Variants in REDIC1 observed in about 807,000 individuals in gnomAD.
REDIC1 encodes the protein HEI10 Interacting Protein 1.
the REDIC1 span, among the ~76,000 whole-genome samples, chr12:39,661,749 T>C: frequency 6.6e-6 from 1 of 152,126 alleles, no homozygotes; most frequent in African/African-American, 2.4e-5. Flanking sequence ...CTGGAGTGTT[T>C]CTTCTGTATT....
the REDIC1 span, among the ~76,000 whole-genome samples, chr12:39,775,428 T>G: frequency 6.6e-6 from 1 of 152,232 alleles, no homozygotes; most frequent in Admixed American, 6.5e-5. Flanking sequence ...CCTGTATTCC[T>G]GAAGTTCTCT....
At chr12:39,703,125 G>A in the REDIC1 span, among the ~76,000 whole-genome samples, 1 of 152,166 alleles carries the variant, frequency 6.6e-6, no homozygotes, top group Non-Finnish European at 1.5e-5. Flanking sequence ...ATTATATTAG[G>A]AAAAGAGGAA....
At chr12:39,898,505 C>A in the REDIC1 span, among the ~76,000 whole-genome samples, 1 of 152,086 alleles carries the variant, frequency 6.6e-6, no homozygotes, top group Non-Finnish European at 1.5e-5. Flanking sequence ...ACGCTTTTCC[C>A]CCCTCTATCA....
the REDIC1 span, among the ~76,000 whole-genome samples, chr12:39,887,610 G>A: frequency 2.0e-5 from 3 of 152,202 alleles, no homozygotes; most frequent in African/African-American, 7.2e-5. Context: ...AAGCACCAGA[G>A]GGTAGACGTC....
the REDIC1 span, chr12:39,864,818 G>C: frequency 6.2e-6 from 10 of 1,613,916 alleles, no homozygotes; most frequent in African/African-American, 1.3e-4. Flanking sequence ...TAAAAGTGAT[G>C]CGTGGGGAAA....
the REDIC1 span, among the ~76,000 whole-genome samples, chr12:39,846,258 C>T: frequency 6.6e-6 from 1 of 152,038 alleles, no homozygotes; most frequent in East Asian, 1.9e-4. Context: ...TCACCTTTGA[C>T]CATAAGGAAT....
At chr12:39,787,917 T>C in the REDIC1 span, among the ~76,000 whole-genome samples, 7 of 152,148 alleles carry the variant, frequency 4.6e-5, no homozygotes, top group Non-Finnish European at 1.0e-4. Flanking sequence ...AAGAGCAGTA[T>C]TGTCACCTAC....
chr12:39,740,471 T>A, the REDIC1 span, among the ~76,000 whole-genome samples: 1 of 152,236 alleles, frequency 6.6e-6, no homozygotes, highest in East Asian at 1.9e-4. Context: ...AATAGGCATT[T>A]ATTTTCATAA....
the REDIC1 span, among the ~76,000 whole-genome samples, chr12:39,853,691 C>A: frequency 6.6e-6 from 1 of 151,124 alleles, no homozygotes; most frequent in African/African-American, 2.4e-5. Flanking sequence ...ATCAAGCTAT[C>A]TTCCACTTTG....
At chr12:39,860,968 G>T in the REDIC1 span, among the ~76,000 whole-genome samples, 2 of 152,142 alleles carry the variant, frequency 1.3e-5, no homozygotes, top group African/African-American at 4.8e-5. Context: ...TTAGACTGAA[G>T]ATCAAAAACC....
At chr12:39,727,057 G>T in the REDIC1 span, among the ~76,000 whole-genome samples, 4 of 152,118 alleles carry the variant, frequency 2.6e-5, no homozygotes, top group Non-Finnish European at 5.9e-5. Flanking sequence ...TGCAGATTCT[G>T]GATATTAGCC....
chr12:39,644,523 G>C, the REDIC1 span, among the ~76,000 whole-genome samples: 1 of 151,756 alleles, frequency 6.6e-6, no homozygotes. Context: ...TGCTAAAAAT[G>C]AGAGCATAAA....
At chr12:39,836,469 G>C in the REDIC1 span, among the ~76,000 whole-genome samples, 1 of 151,984 alleles carries the variant, frequency 6.6e-6, no homozygotes, top group South Asian at 2.1e-4. Context: ...ATTCAACATA[G>C]TGTTGGAAGT....
At chr12:39,815,224 C>G in the REDIC1 span, among the ~76,000 whole-genome samples, 1 of 152,078 alleles carries the variant, frequency 6.6e-6, no homozygotes, top group Admixed American at 6.6e-5. Context: ...AAGAAACTTC[C>G]TGAATCCCAT....
the REDIC1 span, among the ~76,000 whole-genome samples, chr12:39,705,750 A>G: frequency 6.6e-6 from 1 of 152,138 alleles, no homozygotes; most frequent in African/African-American, 2.4e-5. Context: ...AGCATTTGAT[A>G]AAATTTAACA....
chr12:39,722,913 A>G, the REDIC1 span, among the ~76,000 whole-genome samples: 2,346 of 152,232 alleles, frequency 0.015, 57 homozygotes, highest in African/African-American at 0.051. Flanking sequence ...GGCCCAATTT[A>G]GATAGTAACA....
the REDIC1 span, among the ~76,000 whole-genome samples, chr12:39,655,843 G>A: frequency 1.3e-5 from 2 of 152,186 alleles, no homozygotes; most frequent in South Asian, 2.1e-4. Context: ...TCAGTTTATC[G>A]TGTGCCTTTG....
chr12:39,641,169 A>G, the REDIC1 span, among the ~76,000 whole-genome samples: 1 of 151,810 alleles, frequency 6.6e-6, no homozygotes, highest in Non-Finnish European at 1.5e-5. Context: ...AGACTTAAAG[A>G]TCATTGTTGA....
chr12:39,840,670 G>A, the REDIC1 span, among the ~76,000 whole-genome samples: 2 of 151,908 alleles, frequency 1.3e-5, no homozygotes, highest in Non-Finnish European at 2.9e-5. Context: ...CCTGACCCCA[G>A]CAGAATCAGA....
Sources: allele counts gnomAD v4.1 joint callset (sites outside exome capture counted in the v4.1 genomes callset), GRCh38; gene constraint gnomAD v4.1.1; transcripts MANE v1.5; gene names NCBI Gene and HGNC (gene_info 2026-07-23, HGNC 2026-07-21).